The following TMEM17 variants were observed in gnomAD, a reference collection of about 807,000 sequenced individuals.
The protein encoded by TMEM17 is transmembrane protein 17.
In TMEM17, 15 loss-of-function variants were observed where a neutral mutation model predicts 19.1. The observed-to-expected ratio is 0.78, with a 90% CI of 0.52 to 1.21. The LOEUF (loss-of-function observed/expected upper bound fraction) is 1.21, where lower values mean the gene tolerates loss of function less well. Ranked by LOEUF, TMEM17 falls within the 50% of genes most tolerant of loss-of-function variation. TMEM17 has a pLI of 0.00. For synonymous variants in TMEM17, 103 were observed against 86.9 expected (o/e 1.19, Z -1.03); for missense variants, 245 against 242.3 (o/e 1.01, Z -0.07).
the TMEM17 span, among the ~76,000 whole-genome samples, chr2:62,486,840 G>A: frequency 1.4e-3 from 207 of 152,234 alleles, 1 homozygote; most frequent in African/African-American, 4.8e-3. Flanking sequence ...TCCAATCCCA[G>A]CTACATCACT....
chr2:62,498,865 T>C (rs1402553281), downstream of TMEM17, among the ~76,000 whole-genome samples: 1 of 152,088 alleles, frequency 6.6e-6, no homozygotes, highest in Non-Finnish European at 1.5e-5. Flanking sequence ...ATAATATAAA[T>C]TAAGGATGGA....
the TMEM17 span, among the ~76,000 whole-genome samples, chr2:62,459,653 G>T: frequency 6.6e-6 from 1 of 152,224 alleles, no homozygotes; most frequent in Non-Finnish European, 1.5e-5. Context: ...CATGTAGTCT[G>T]CATAAGCTCC....
At chr2:62,504,704 G>A (rs895810429) in intron 1 of TMEM17, among the ~76,000 whole-genome samples, 1 of 152,228 alleles carries the variant, frequency 6.6e-6, no homozygotes, top group Non-Finnish European at 1.5e-5. Flanking sequence ...ATCAGGGATA[G>A]GTAAACAACT....
downstream of TMEM17, among the ~76,000 whole-genome samples, chr2:62,497,605 T>C (rs146008558): frequency 3.0e-3 from 461 of 152,344 alleles, 2 homozygotes; most frequent in Non-Finnish European, 5.1e-3. Context: ...ATGTCTCTTC[T>C]CTGTAATCCT....
intron 3 of TMEM17, 65 bp from the exon 4 acceptor site, chr2:62,501,552 A>G: frequency 6.7e-7 from 1 of 1,482,552 alleles, no homozygotes; most frequent in South Asian, 1.4e-5. Context: ...ATACAGATAA[A>G]CAAGTACTTA....
chr2:62,463,065 G>A, the TMEM17 span: 1 of 152,246 alleles, frequency 6.6e-6, no homozygotes, highest in Non-Finnish European at 1.5e-5. Flanking sequence ...CCAGCTACCA[G>A]TCAGTCCACA....
At chr2:62,486,063 G>T in the TMEM17 span, among the ~76,000 whole-genome samples, 3 of 152,126 alleles carry the variant, frequency 2.0e-5, no homozygotes, top group African/African-American at 7.2e-5. Context: ...ATGTGCCCTT[G>T]TTTGCTTAAA....
chr2:62,453,595 C>T, the TMEM17 span, among the ~76,000 whole-genome samples: 5 of 152,190 alleles, frequency 3.3e-5, no homozygotes, highest in Non-Finnish European at 4.4e-5. Context: ...CTGACAGCTT[C>T]ACCCTAAATA....
chr2:62,487,486 T>A, the TMEM17 span, among the ~76,000 whole-genome samples: 3 of 152,224 alleles, frequency 2.0e-5, no homozygotes, highest in Non-Finnish European at 4.4e-5. Context: ...GGGATTAGGA[T>A]GTAGACATCT....
intron 3 of TMEM17, 115 bp downstream of exon 3, chr2:62,502,322 G>T (rs1433751657): frequency 3.3e-6 from 2 of 605,868 alleles, no homozygotes; most frequent in African/African-American, 1.9e-5. Context: ...TAAAGCTGGA[G>T]TCAGGCTTTA....
the TMEM17 span, among the ~76,000 whole-genome samples, chr2:62,477,791 T>C: frequency 2.6e-4 from 39 of 152,146 alleles, no homozygotes; most frequent in South Asian, 8.3e-4. Context: ...ACAGGAAGGG[T>C]ACGTGGCCTT....
chr2:62,502,442 C>T lies in TMEM17; in HGVS notation c.313G>A (p.Glu105Lys). ...GAAAGGAAAAAAGAGCTTACCTTCT[C>T]CTGTAGGTTACCCACGTAGCCCAGA... ...LYLGYVGNLQ[E>K]KVPELAGFWL... is the part of the protein sequence containing the mutation. The change falls in exon 3 of 4, where the codon GAG becomes AAG. Residue 105 changes from glutamate to lysine, a missense_variant. Glu to Lys is a moderately conservative substitution (Grantham distance 56). Coordinates refer to ENST00000335390, the MANE Select transcript of TMEM17 (RefSeq NM_198276.3). The T allele has an allele frequency of 6.3e-7, 1 of 1,595,384 alleles. No homozygotes were observed. The highest frequency in any genetic ancestry group is 8.6e-7 in the Non-Finnish European group (1 of 1,163,574).
At chr2:62,502,948 T>C (rs867916773) in intron 1 of TMEM17, among the ~76,000 whole-genome samples, 154 bp from the exon 2 acceptor site, 1 of 152,216 alleles carries the variant, frequency 6.6e-6, no homozygotes, top group Non-Finnish European at 1.5e-5. Context: ...AAAGGAATAT[T>C]CATCCTAATA....
the TMEM17 span, among the ~76,000 whole-genome samples, chr2:62,470,263 G>T: frequency 2.0e-5 from 3 of 152,094 alleles, no homozygotes; most frequent in Non-Finnish European, 2.9e-5. Flanking sequence ...AGGTCCTAAA[G>T]TTCCTCTTCC....
At chr2:62,459,311 C>G in the TMEM17 span, among the ~76,000 whole-genome samples, 1 of 152,230 alleles carries the variant, frequency 6.6e-6, no homozygotes, top group Non-Finnish European at 1.5e-5. Context: ...TCAGGGGCCC[C>G]TTACTTACGT....
chr2:62,480,338 T>C, the TMEM17 span, among the ~76,000 whole-genome samples: 1 of 152,222 alleles, frequency 6.6e-6, no homozygotes, highest in South Asian at 2.1e-4. Flanking sequence ...TGTGAATAGT[T>C]TGGAAATATT....
the TMEM17 span, among the ~76,000 whole-genome samples, chr2:62,485,638 C>T: frequency 6.6e-6 from 1 of 152,170 alleles, no homozygotes; most frequent in Non-Finnish European, 1.5e-5. Context: ...CCCAAGAGAT[C>T]AGGAAGTATA....
At chr2:62,485,516 T>A in the TMEM17 span, among the ~76,000 whole-genome samples, 36 of 152,330 alleles carry the variant, frequency 2.4e-4, no homozygotes, top group Middle Eastern at 6.8e-3. Context: ...AATGAGTATA[T>A]TTTCCACCAC....
the TMEM17 span, among the ~76,000 whole-genome samples, chr2:62,463,607 C>A: frequency 6.6e-6 from 1 of 152,142 alleles, no homozygotes; most frequent in Non-Finnish European, 1.5e-5. Context: ...GTTGACACAA[C>A]CTGTAGTAAG....
Sources: allele counts gnomAD v4.1 joint callset (sites outside exome capture counted in the v4.1 genomes callset), GRCh38; gene constraint gnomAD v4.1.1; transcripts MANE v1.5; gene names NCBI Gene and HGNC (gene_info 2026-07-23, HGNC 2026-07-21).